Variants in MINDY4 observed in about 807,000 individuals in gnomAD.
MINDY4 encodes MINDY lysine 48 deubiquitinase 4.
Under a neutral mutation model 87.0 loss-of-function variants are expected in MINDY4, and 68 were observed. The ratio of observed to expected loss-of-function variants is 0.78; its 90% CI spans 0.64 to 0.96. The LOEUF (loss-of-function observed/expected upper bound fraction) is 0.96. Ranked by LOEUF, MINDY4 falls within the 40% of genes least tolerant of loss-of-function variation. The pLI is 0.00. For missense variants in MINDY4, 919 were observed against 928.2 expected (o/e 0.99, Z 0.13); for synonymous variants, 379 against 363.2 (o/e 1.04, Z -0.50).
intron 15 of MINDY4, among the ~76,000 whole-genome samples, chr7:30,877,522 C>T (rs1790299047): frequency 6.6e-6 from 1 of 152,100 alleles, no homozygotes; most frequent in African/African-American, 2.4e-5. Context: ...TGCTTCCTTC[C>T]TCTGCCTTGC....
chr7:30,858,744 C>G, intron 12 of MINDY4: 1 of 305,026 alleles, frequency 3.3e-6, no homozygotes, highest in Non-Finnish European at 6.3e-6. Context: ...AACCTGCTCT[C>G]TGCTGCTCTT....
chr7:30,870,269 C>T (rs1790061089), intron 13 of MINDY4, among the ~76,000 whole-genome samples: 1 of 152,194 alleles, frequency 6.6e-6, no homozygotes, highest in African/African-American at 2.4e-5. Context: ...TCTAAAAGCT[C>T]CAGGTGGCAT....
chr7:30,791,445 C>T lies in MINDY4; in HGVS notation c.944C>T (p.Ala315Val). Reference sequence around the variant, plus strand: ...AGGGATCCCTCCGAGGACACCCCAGCAGTGGACGGCAGCACAGACACGGAC... The same window carrying T: ...AGGGATCCCTCCGAGGACACCCCAGTAGTGGACGGCAGCACAGACACGGAC... ...RPRDPSEDTPAVDGSTDTDRM... is the reference protein window; with the variant it reads ...RPRDPSEDTPVVDGSTDTDRM... The change falls in exon 5 of 18, where the codon GCA becomes GTA. Residue 315 changes from alanine (A) to valine (V), a missense_variant. Physicochemically the swap from Ala to Val is moderately conservative, Grantham distance 64. Coordinates refer to ENST00000265299, the MANE Select transcript of MINDY4 (RefSeq NM_032222.3). The T allele has an allele frequency of 6.2e-7, 1 of 1,614,122 alleles. No homozygotes were observed. Among genetic ancestry groups the T allele is most frequent in the Non-Finnish European group, 8.5e-7 (1 of 1,180,018 alleles).
chr7:30,862,820 CT>C (rs1432729295), intron 13 of MINDY4, among the ~76,000 whole-genome samples: 2 of 152,196 alleles, frequency 1.3e-5, no homozygotes, highest in Non-Finnish European at 2.9e-5. Flanking sequence ...GCCTTAGGTT[CT>C]TTATCTAACA....
chr7:30,778,224 C>T (rs947725857), intron 1 of MINDY4, among the ~76,000 whole-genome samples: 2 of 152,204 alleles, frequency 1.3e-5, no homozygotes, highest in African/African-American at 4.8e-5. Context: ...TCCTTATCTG[C>T]GAAATGGCCT....
At chr7:30,843,078 G>A (rs1334664591) in intron 9 of MINDY4, among the ~76,000 whole-genome samples, 2 of 152,156 alleles carry the variant, frequency 1.3e-5, no homozygotes, top group Non-Finnish European at 1.5e-5. Context: ...CACAAGCCCC[G>A]TGAGAACAGG....
At chr7:30,831,117 G>C (rs1463132925) in intron 6 of MINDY4, among the ~76,000 whole-genome samples, 1 of 152,122 alleles carries the variant, frequency 6.6e-6, no homozygotes, top group Non-Finnish European at 1.5e-5. Flanking sequence ...ACTGGTGAGG[G>C]GCTCTTGGCA....
chr7:30,860,721 C>T (rs990721583), intron 13 of MINDY4, among the ~76,000 whole-genome samples: 3 of 152,108 alleles, frequency 2.0e-5, no homozygotes, highest in African/African-American at 7.2e-5. Flanking sequence ...CATGCATGCT[C>T]CTGCATGTAG....
At chr7:30,863,562 T>G (rs1789833965) in intron 13 of MINDY4, among the ~76,000 whole-genome samples, 1 of 152,204 alleles carries the variant, frequency 6.6e-6, no homozygotes, top group Non-Finnish European at 1.5e-5. Flanking sequence ...CACTGGAGGC[T>G]TCTCTTCTTT....
At chr7:30,807,893 G>A (rs1397813616) in intron 5 of MINDY4, among the ~76,000 whole-genome samples, 1 of 152,208 alleles carries the variant, frequency 6.6e-6, no homozygotes, top group African/African-American at 2.4e-5. Flanking sequence ...GGGGAGCTCG[G>A]TTGTTGGAGA....
intron 13 of MINDY4, among the ~76,000 whole-genome samples, chr7:30,866,473 G>C (rs1789939484): frequency 1.3e-5 from 2 of 152,138 alleles, no homozygotes; most frequent in African/African-American, 4.8e-5. Context: ...TGTCATTTAG[G>C]GGCACAGTTG....
In MINDY4 at chr7:30,845,571, G is replaced by A. The variant is rs191319914; in HGVS notation, c.1445+4723G>A. Among the ~76,000 whole-genome samples the A allele has an allele frequency of 5.5e-3, 814 of 147,788 alleles. 9 individuals are homozygous for A. Among genetic ancestry groups the A allele is most frequent in the African/African-American group, 0.018 (746 of 40,600 alleles). ...CTTCTGTTTTCTTCAGGAACACCAC[G>A]ATGACCTGCCATCAGCTGCCATCTG... is the stretch of plus-strand genomic sequence containing the variant. On this transcript the variant is annotated intron_variant, in intron 9 of 17. Transcript: ENST00000265299.
rs1790809507 is a variant in MINDY4 at position 30,892,096 on chromosome 7, A to T, written c.*91A>T. ...ACCCCAAGCCTCTGGGGCAGGTCTC[A>T]TGTACCCCAACCTGGGTCAGCATGA... On this transcript the variant is annotated 3_prime_UTR_variant, in exon 18 of 18. Coordinates refer to ENST00000265299, the MANE Select transcript of MINDY4 (RefSeq NM_032222.3). The T allele has an allele frequency of 1.4e-6, 2 of 1,394,542 alleles. No homozygotes were observed. Among genetic ancestry groups the T allele is most frequent in the African/African-American group, 1.4e-5 (1 of 70,478 alleles). The allele number at this position is 1,394,542 out of a possible 1,614,324, so 86.4% of individuals were successfully genotyped here. A position where few individuals can be genotyped will look rare whatever the true frequency, so the allele number is the denominator to read the frequency against.
At chr7:30,890,908 G>T (rs1386809642) in intron 17 of MINDY4, among the ~76,000 whole-genome samples, 1 of 152,102 alleles carries the variant, frequency 6.6e-6, no homozygotes, top group South Asian at 2.1e-4. Context: ...CCTTCTCATC[G>T]CAGTTCCAAT....
In MINDY4 at chr7:30,818,085, T is replaced by A. The variant is rs546683289; in HGVS notation, c.1074-10594T>A. On this transcript the variant is annotated intron_variant, in intron 5 of 17. Coordinates refer to ENST00000265299, the MANE Select transcript of MINDY4 (RefSeq NM_032222.3). ...CGTTAGGTAGGATGTTCTTTAGGGT[T>A]CAAATAAAACCCTTTCCTTCCCTTG... Among the ~76,000 whole-genome samples, 6 of 152,324 alleles carry A rather than the reference T, an allele frequency of 3.9e-5. No homozygotes were observed. The East Asian group carries it at 7.7e-4, about 20-fold the overall frequency.
At chr7:30,812,616 A>C (rs1039534404) in intron 5 of MINDY4, among the ~76,000 whole-genome samples, 1 of 152,202 alleles carries the variant, frequency 6.6e-6, no homozygotes, top group Admixed American at 6.5e-5. Flanking sequence ...TTCTTGTTAC[A>C]TGGGCATCCG....
chr7:30,779,126 A>G, intron 2 of MINDY4, among the ~76,000 whole-genome samples: 1 of 152,158 alleles, frequency 6.6e-6, no homozygotes, highest in Non-Finnish European at 1.5e-5. Flanking sequence ...ACCTGCTATT[A>G]TAGGCTTTCA....
chr7:30,838,233 GTGATGCGTGGGT>G (rs1244965555), intron 7 of MINDY4, among the ~76,000 whole-genome samples: 1 of 152,194 alleles, frequency 6.6e-6, no homozygotes, highest in Admixed American at 6.5e-5. Context: ...GCTCTGGAGG[GTGATGCGTGGGT>G]TGATGGGAAA....
intron 5 of MINDY4, among the ~76,000 whole-genome samples, chr7:30,810,910 T>C (rs1787976114): frequency 6.6e-6 from 1 of 152,218 alleles, no homozygotes; most frequent in African/African-American, 2.4e-5. Flanking sequence ...AAGTCCTCTG[T>C]TGATGTCCCC....
Sources: allele counts gnomAD v4.1 joint callset (sites outside exome capture counted in the v4.1 genomes callset), GRCh38; gene constraint gnomAD v4.1.1; transcripts MANE v1.5; gene names NCBI Gene and HGNC (gene_info 2026-07-23, HGNC 2026-07-21).